Variants in COL20A1 observed in about 807,000 individuals in gnomAD.
COL20A1 encodes collagen type XX alpha 1 chain.
A neutral mutation model predicts 152.9 loss-of-function variants in COL20A1; 164 were observed. The observed-to-expected ratio is 1.07, with a 90% CI of 0.94 to 1.22. The LOEUF (loss-of-function observed/expected upper bound fraction) is 1.22. COL20A1 is among the 50% of genes most tolerant of loss of function. The probability of loss-of-function intolerance (pLI) is 0.00; values close to 1 mark genes in which losing one functional copy is unlikely to be tolerated. For synonymous variants in COL20A1, 864 were observed against 756.0 expected (o/e 1.14, Z -2.34); for missense variants, 1,873 against 1,744.8 (o/e 1.07, Z -1.31).
Position 63,306,226 on chromosome 20 carries a change from TCG to T in COL20A1, c.496+188_496+189del, listed in dbSNP as rs2067924537. 5.3e-5 allele frequency among the ~76,000 whole-genome samples: 7 copies of T among 133,304 alleles called. No individual in the cohort carries two copies. The highest frequency in any genetic ancestry group is 1.7e-4 in the African/African-American group (6 of 34,986). 87.5% of individuals were successfully genotyped at this position (133,304 alleles called of 152,430 possible). A position where few individuals can be genotyped will look rare whatever the true frequency, so the allele number is the denominator to read the frequency against. On this transcript the variant is annotated intron_variant, in intron 5 of 35. Coordinates refer to ENST00000358894, the MANE Select transcript of COL20A1 (RefSeq NM_020882.4). The surrounding 1 kb of genome is among the most constrained non-coding windows in gnomAD (Gnocchi z 6.9). ...GACCACGAGGCCGGGAAGTTCTTCC[TCG>T]TGTCTGACCACACGGTCTCTGACCA...
chr20:63,321,275 A>G (rs1401412060), intron 26 of COL20A1, among the ~76,000 whole-genome samples, 176 bp downstream of exon 26: 2 of 152,048 alleles, frequency 1.3e-5, no homozygotes, highest in Non-Finnish European at 2.9e-5. Flanking sequence ...GCCAGGAGAC[A>G]GAGGCCTGGC....
chr20:63,314,091 G>GGAGCCAC lies in COL20A1; in HGVS notation c.2380_2386dup (p.Val796GlufsTer28), dbSNP rs1185201724. The GGAGCCAC allele has an allele frequency of 2.5e-6, 4 of 1,612,880 alleles. No homozygotes were observed. The Admixed American group carries it at 5.0e-5, about 20-fold the overall frequency. ...TCCTAGGTCTCTGTGCCAGGAGCCA[G>GGAGCCAC]GAGCCACGTGACACTGCCCGACCTG... On this transcript the variant is annotated frameshift_variant, in exon 19 of 36. Coordinates refer to ENST00000358894, the MANE Select transcript of COL20A1 (RefSeq NM_020882.4). LOFTEE classifies it high-confidence loss of function.
In COL20A1 at chr20:63,308,041, G is replaced by A. The variant is rs2067951057; in HGVS notation, c.726G>A (p.Val242=). 1 of 1,612,606 alleles carries A rather than the reference G, an allele frequency of 6.2e-7. No homozygotes were observed. Among genetic ancestry groups the A allele is most frequent in the Non-Finnish European group, 8.5e-7 (1 of 1,179,778 alleles). ...ACTCCCTCAGCACCAAGGAACAGGTGCTGGCAGCTGTGCGCCGCCTCCGCT... is the reference window on the plus strand; with the variant it reads ...ACTCCCTCAGCACCAAGGAACAGGTACTGGCAGCTGTGCGCCGCCTCCGCT... ...DLNSLSTKEQ[V]LAAVRRLRYK... The change falls in exon 7 of 36, where the codon GTG becomes GTA. Residue 242 remains valine, a synonymous_variant. Transcript: ENST00000358894.
intron 3 of COL20A1, among the ~76,000 whole-genome samples, chr20:63,299,691 G>T (rs2067841934): frequency 6.6e-6 from 1 of 152,136 alleles, no homozygotes; most frequent in South Asian, 2.1e-4. Context: ...GTAAGGCTGA[G>T]TTTTTGTCAA....
In COL20A1 at chr20:63,310,429, TC is replaced by T. The variant is rs769628324; in HGVS notation, c.1315del (p.Arg439AlafsTer24). 6.2e-7 allele frequency: 1 copy of T among 1,610,360 alleles called. No individual in the cohort carries two copies. The highest frequency in any genetic ancestry group is 1.3e-5 in the African/African-American group (1 of 74,858). On this transcript the variant is annotated frameshift_variant, in exon 11 of 36. Coordinates refer to ENST00000358894, the MANE Select transcript of COL20A1 (RefSeq NM_020882.4). LOFTEE classifies it high-confidence loss of function. ...AASTELHNLA[S>X]RTEYLVSVFP... ...CTCCACGGAGCTGCACAACCTGGCC[TC>T]CCGCACAGAGTACCTGGTCTCCGTG...
intron 3 of COL20A1, among the ~76,000 whole-genome samples, chr20:63,303,492 G>C (rs1179124002): frequency 6.6e-6 from 1 of 152,238 alleles, no homozygotes; most frequent in Admixed American, 6.5e-5. Flanking sequence ...GTAGCTGTGT[G>C]ATTGGTCCTT....
At position 63,314,159 on chromosome 20, in the gene COL20A1, G is replaced by T. The variant is rs753994429; in HGVS notation, c.2446G>T (p.Ala816Ser). The T allele has an allele frequency of 6.3e-7, 1 of 1,589,798 alleles. No homozygotes were observed. Among genetic ancestry groups the T allele is most frequent in the South Asian group, 1.1e-5 (1 of 87,382 alleles). The change falls in exon 19 of 36, where the codon GCA becomes TCA. Residue 816 changes from alanine to serine, a missense_variant. Physicochemically the swap from Ala to Ser is moderately conservative, Grantham distance 99. Transcript: ENST00000358894. ...CAGGGTCCTGGTCTCAGCTATCTATGCAGCAGGCAGGAGTGAGGCTGTGTC... is the reference window on the plus strand; with the variant it reads ...CAGGGTCCTGGTCTCAGCTATCTATTCAGCAGGCAGGAGTGAGGCTGTGTC... ...KYRVLVSAIY[A>S]AGRSEAVSAT...
Position 63,305,910 on chromosome 20 carries a change from A to C in COL20A1, c.367A>C (p.Arg123=). 6.2e-7 allele frequency: 1 copy of C among 1,612,980 alleles called. No homozygotes were observed. The highest frequency in any genetic ancestry group is 8.5e-7 in the Non-Finnish European group (1 of 1,179,802). The part of the protein sequence containing the change: ...IEDLKSSSLD[R]SSQRPLGSGA... ...GGATCTGAAGAGTAGCTCCCTGGACAGGAGCAGCCAGAGGCCCCTCGGCTC... is the reference window on the plus strand; with the variant it reads ...GGATCTGAAGAGTAGCTCCCTGGACCGGAGCAGCCAGAGGCCCCTCGGCTC... The change falls in exon 5 of 36, where the codon AGG becomes CGG. Residue 123 remains arginine, a synonymous_variant. Transcript: ENST00000358894. This position sits in a 1 kb window ranked among gnomAD's most constrained non-coding sequence, Gnocchi z 4.9.
chr20:63,315,677 C>CAGCGCTGGG (rs1262328234), intron 20 of COL20A1, among the ~76,000 whole-genome samples: 2 of 152,230 alleles, frequency 1.3e-5, no homozygotes, highest in African/African-American at 4.8e-5. Context: ...AGAGCCCAGG[C>CAGCGCTGGG]AGCGCTGGGG....
chr20:63,320,580 C>T (rs2068148685), intron 25 of COL20A1, among the ~76,000 whole-genome samples: 1 of 152,134 alleles, frequency 6.6e-6, no homozygotes, highest in Non-Finnish European at 1.5e-5. Context: ...GGCTGGGAAC[C>T]CCTGGCTGCA....
At chr20:63,295,419 A>G (rs2067775805) in intron 2 of COL20A1, among the ~76,000 whole-genome samples, 3 of 152,250 alleles carry the variant, frequency 2.0e-5, no homozygotes, top group South Asian at 4.1e-4. Context: ...TCTCTGTTAT[A>G]TTAATGCTTG....
chr20:63,299,017 G>A (rs2067833463), intron 3 of COL20A1, among the ~76,000 whole-genome samples: 1 of 152,214 alleles, frequency 6.6e-6, no homozygotes, highest in African/African-American at 2.4e-5. Flanking sequence ...TCTCTAAGTG[G>A]AATCACACCA....
chr20:63,310,632 G>A (rs1240409856), intron 11 of COL20A1, 122 bp downstream of exon 11: 10 of 1,107,370 alleles, frequency 9.0e-6, no homozygotes, highest in African/African-American at 3.1e-5. Flanking sequence ...ACCCACAGTT[G>A]GCACCATCCC....
chr20:63,321,794 C>CA (rs1307647568), intron 26 of COL20A1, among the ~76,000 whole-genome samples: 1 of 151,346 alleles, frequency 6.6e-6, no homozygotes, highest in Non-Finnish European at 1.5e-5. Context: ...CAAGCACACT[C>CA]TCTCTGAGCT....
intron 3 of COL20A1, among the ~76,000 whole-genome samples, chr20:63,301,531 T>G (rs1173859385): frequency 6.6e-6 from 1 of 152,232 alleles, no homozygotes; most frequent in Non-Finnish European, 1.5e-5. Context: ...TCCATTCTAA[T>G]TGTAGATGTG....
chr20:63,307,421 T>A (rs938918398), intron 5 of COL20A1, 69 bp from the exon 6 acceptor site: 22 of 1,432,642 alleles, frequency 1.5e-5, no homozygotes, highest in Non-Finnish European at 1.8e-5. Flanking sequence ...AGCCCCGGGG[T>A]AGGTGATCTG....
intron 35 of COL20A1, 66 bp downstream of exon 35, chr20:63,329,727 G>A: frequency 8.6e-7 from 1 of 1,160,984 alleles, no homozygotes. Context: ...GAGCTCCTGA[G>A]GGGCCAACGG....
At chr20:63,328,733 C>T (rs1297697648) in intron 34 of COL20A1, among the ~76,000 whole-genome samples, 3 of 152,226 alleles carry the variant, frequency 2.0e-5, no homozygotes, top group Non-Finnish European at 2.9e-5. Flanking sequence ...TCAAGATGAC[C>T]TCTTCCCCAG....
chr20:63,314,213 C>T lies in COL20A1; in HGVS notation c.2488+12C>T, dbSNP rs769199103. 12 of 1,552,352 alleles carry T rather than the reference C, an allele frequency of 7.7e-6. No individual in the cohort carries two copies. In the African/African-American group the frequency reaches 8.2e-5, roughly 11 times the overall value. On this transcript the variant is annotated intron_variant, in intron 19 of 35. Transcript: ENST00000358894. ...CACGGGCCAGACAGGTGAGTGGGCA[C>T]CAAGACCCCAGACCCAGGTAGACCC... is the stretch of plus-strand genomic sequence containing the variant.
Sources: gnomAD v4.1 joint callset for allele counts (sites outside exome capture counted in the v4.1 genomes callset) on GRCh38, gnomAD v4.1.1 for gene constraint, Gnocchi (gnomAD v3.1) non-coding constraint, MANE v1.5 for transcripts, NCBI Gene and HGNC (gene_info 2026-07-23, HGNC 2026-07-21) for gene names.